The following TRAPPC3L variants were observed in gnomAD, a reference collection of about 807,000 sequenced individuals.
TRAPPC3L encodes trafficking protein particle complex subunit 3L.
A neutral mutation model predicts 23.7 loss-of-function variants in TRAPPC3L; 23 were observed. That is an observed-to-expected ratio of 0.97 (90% CI 0.70 to 1.37). The LOEUF is 1.37. Ranked by LOEUF, TRAPPC3L falls within the 40% of genes most tolerant of loss-of-function variation. The probability of loss-of-function intolerance (pLI) is 0.00; values close to 1 mark genes in which losing one functional copy is unlikely to be tolerated. For synonymous variants in TRAPPC3L, 81 were observed against 77.9 expected (o/e 1.04, Z -0.21); for missense variants, 212 against 216.8 (o/e 0.98, Z 0.14).
intron 3 of TRAPPC3L, chr6:116,511,686 G>C (rs1772122419): frequency 6.2e-7 from 1 of 1,610,880 alleles, no homozygotes; most frequent in Non-Finnish European, 8.5e-7. Flanking sequence ...TTCCCTCTGT[G>C]CATCTCCAAC....
At chr6:116,534,128 C>T (rs1772925932) in intron 3 of TRAPPC3L, among the ~76,000 whole-genome samples, 1 of 151,916 alleles carries the variant, frequency 6.6e-6, no homozygotes, top group Non-Finnish European at 1.5e-5. Context: ...TCCCCTTTCT[C>T]AGTAGCTAAT....
At chr6:116,497,183 A>G (rs1027701621) in intron 4 of TRAPPC3L, 110 bp from the exon 5 acceptor site, 10 of 1,388,694 alleles carry the variant, frequency 7.2e-6, no homozygotes, top group Non-Finnish European at 9.6e-6. Flanking sequence ...ATGATTTTTA[A>G]AAAAGCTTGT....
intron 3 of TRAPPC3L, among the ~76,000 whole-genome samples, chr6:116,508,836 T>C (rs1479500405): frequency 6.6e-6 from 1 of 151,936 alleles, no homozygotes; most frequent in African/African-American, 2.4e-5. Context: ...ATCCCATCCA[T>C]AGCAATCAGG....
At chr6:116,503,849 A>G (rs1771960386) in intron 3 of TRAPPC3L, among the ~76,000 whole-genome samples, 1 of 152,224 alleles carries the variant, frequency 6.6e-6, no homozygotes, top group Admixed American at 6.5e-5. Flanking sequence ...AATGTACGAG[A>G]ACCTCCGGGA....
intron 3 of TRAPPC3L, among the ~76,000 whole-genome samples, chr6:116,526,849 G>C (rs1772445876): frequency 6.6e-6 from 1 of 151,990 alleles, no homozygotes; most frequent in South Asian, 2.1e-4. Flanking sequence ...GCTATTTTCA[G>C]TCCACTTAGG....
chr6:116,534,348 C>T (rs931856234), intron 3 of TRAPPC3L, among the ~76,000 whole-genome samples: 2 of 152,124 alleles, frequency 1.3e-5, no homozygotes, highest in African/African-American at 4.8e-5. Context: ...AATCTATAGC[C>T]CTCATGCTGT....
Position 116,504,014 on chromosome 6 carries a change from A to T in TRAPPC3L, c.241-3348T>A, listed in dbSNP as rs573171083. 5.3e-5 allele frequency among the ~76,000 whole-genome samples: 8 copies of T among 152,324 alleles called. No individual in the cohort carries two copies. In the South Asian group the frequency reaches 1.2e-3, roughly 24 times the overall value. ...GAAAGCTAGTAGAAGACAAGAAGTA[A>T]CTAAGATCAGAGCGGAACTGAAGGA... On this transcript the variant is annotated intron_variant, in intron 3 of 4. Coordinates refer to ENST00000368602, the MANE Select transcript of TRAPPC3L (RefSeq NM_001139444.3).
rs57050552 is a variant in TRAPPC3L, at chr6:116,516,660, AATATATATATATAT to A, written c.241-16008_241-15995del. ...TCCTACATTCAAAATAGTAGTAACAAATATATATATATATATATATATATATATATATATATATA... is the reference window on the plus strand; with the variant it reads ...TCCTACATTCAAAATAGTAGTAACAAATATATATATATATATATATATATA... On this transcript the variant is annotated intron_variant, in intron 3 of 4. Coordinates refer to ENST00000368602, the MANE Select transcript of TRAPPC3L (RefSeq NM_001139444.3). The A allele has an allele frequency of 2.9e-3, 306 of 104,384 alleles. 3 individuals carry two copies. Among genetic ancestry groups the A allele is most frequent in the African/African-American group, 8.0e-3 (191 of 23,742 alleles). The allele number at this position is 104,384 out of a possible 1,614,324, so 6.5% of individuals were successfully genotyped here.
At chr6:116,515,918 A>G (rs375787286) in intron 3 of TRAPPC3L, 14 of 1,613,580 alleles carry the variant, frequency 8.7e-6, no homozygotes, top group African/African-American at 2.7e-5. Context: ...AGTGGTGGAC[A>G]ATGGTCTGCA....
intron 3 of TRAPPC3L, among the ~76,000 whole-genome samples, chr6:116,526,381 A>G (rs568282195): frequency 3.7e-4 from 56 of 152,356 alleles, no homozygotes; most frequent in Non-Finnish European, 4.6e-4. Flanking sequence ...TCACTTCTAT[A>G]GGAATCACCC....
intron 2 of TRAPPC3L, among the ~76,000 whole-genome samples, chr6:116,542,493 T>A (rs1773526707): frequency 6.6e-6 from 1 of 152,148 alleles, no homozygotes; most frequent in Non-Finnish European, 1.5e-5. Context: ...CCCTTCAATC[T>A]GCCTAGATAA....
intron 3 of TRAPPC3L, chr6:116,512,316 C>T: frequency 7.1e-7 from 1 of 1,411,608 alleles, no homozygotes; most frequent in Middle Eastern, 1.9e-4. Context: ...CCAGGGCTGT[C>T]TGTGTCCTGT....
At chr6:116,506,691 A>G (rs878949797) in intron 3 of TRAPPC3L, among the ~76,000 whole-genome samples, 1 of 152,228 alleles carries the variant, frequency 6.6e-6, no homozygotes, top group Non-Finnish European at 1.5e-5. Flanking sequence ...GCCATAAAAA[A>G]GGAAGAGTTC....
chr6:116,534,775 A>G (rs975719657), intron 3 of TRAPPC3L, among the ~76,000 whole-genome samples: 10 of 125,820 alleles, frequency 7.9e-5, no homozygotes, highest in African/African-American at 2.6e-4. Context: ...TAAAATTTCA[A>G]TTTATACTAT....
chr6:116,542,015 A>C (rs1773494338), intron 2 of TRAPPC3L, among the ~76,000 whole-genome samples: 1 of 152,192 alleles, frequency 6.6e-6, no homozygotes, highest in Admixed American at 6.5e-5. Flanking sequence ...ATGTGTACTC[A>C]ATTAGCTAAC....
intron 3 of TRAPPC3L, among the ~76,000 whole-genome samples, chr6:116,505,670 T>G (rs1419090297): frequency 1.3e-5 from 2 of 151,958 alleles, no homozygotes; most frequent in South Asian, 2.1e-4. Context: ...CCAAAACAGA[T>G]ATATAGACCA....
chr6:116,505,358 T>C (rs1400381533), intron 3 of TRAPPC3L, among the ~76,000 whole-genome samples: 1 of 151,930 alleles, frequency 6.6e-6, no homozygotes, highest in Non-Finnish European at 1.5e-5. Context: ...ACTTCTCAAG[T>C]AAATAAGAGA....
intron 2 of TRAPPC3L, among the ~76,000 whole-genome samples, chr6:116,542,377 A>G (rs563766244): frequency 1.3e-5 from 2 of 152,276 alleles, no homozygotes; most frequent in South Asian, 4.1e-4. Context: ...AAGAAAAATG[A>G]GAGTTTTTTA....
chr6:116,514,823 G>A (rs1281955695), intron 3 of TRAPPC3L, among the ~76,000 whole-genome samples: 2 of 152,092 alleles, frequency 1.3e-5, no homozygotes, highest in Non-Finnish European at 2.9e-5. Context: ...GAATATTAAG[G>A]ATCATTTAAA....
Sources: allele counts gnomAD v4.1 joint callset (sites outside exome capture counted in the v4.1 genomes callset), GRCh38; gene constraint gnomAD v4.1.1; transcripts MANE v1.5; gene names NCBI Gene and HGNC (gene_info 2026-07-23, HGNC 2026-07-21).